CLIP3: variants seen among roughly 807,000 people sequenced by gnomAD.
CLIP3 encodes CAP-Gly domain containing linker protein 3, also known as CAP-Gly domain-containing linker protein 3.
In CLIP3, 15 loss-of-function variants were observed where a neutral mutation model predicts 59.4. That is an observed-to-expected ratio of 0.25 (90% CI 0.17 to 0.39). The LOEUF is 0.39. Among genes scored for constraint, CLIP3 ranks in the 10% least tolerant of loss-of-function variants. The pLI, the probability that CLIP3 is intolerant of heterozygous loss-of-function variation, is 1.00. For missense variants in CLIP3, 495 were observed against 765.7 expected (o/e 0.65, Z 4.17); for synonymous variants, 300 against 321.6 (o/e 0.93, Z 0.72).
chr19:36,018,575 C>G (rs1367338207), intron 9 of CLIP3, among the ~76,000 whole-genome samples: 2 of 133,344 alleles, frequency 1.5e-5, no homozygotes, highest in African/African-American at 5.8e-5. Flanking sequence ...AGGCGAGACT[C>G]TTGACTCAAA....
chr19:36,016,001 C>A lies in CLIP3; in HGVS notation c.*157G>T. 1.4e-6 allele frequency: 1 copy of A among 724,260 alleles called. No homozygotes were observed. The highest frequency in any genetic ancestry group is 2.4e-6 in the Non-Finnish European group (1 of 410,676). The allele number at this position is 724,260 out of a possible 1,614,324, so 44.9% of individuals were successfully genotyped here. On this transcript the variant is annotated 3_prime_UTR_variant, in exon 14 of 14. Coordinates refer to ENST00000360535, the MANE Select transcript of CLIP3 (RefSeq NM_015526.3). This position sits in a 1 kb window ranked among gnomAD's most constrained non-coding sequence, Gnocchi z 4.1. ...TATTTGGGGGTTATTATGGGAGTAT[C>A]TGTTAATAATGGGGCCTCAATGATC... is the stretch of plus-strand genomic sequence containing the variant.
At chr19:36,030,950 C>T (rs1969236965) in intron 2 of CLIP3, among the ~76,000 whole-genome samples, 1 of 151,954 alleles carries the variant, frequency 6.6e-6, no homozygotes, top group South Asian at 2.1e-4. Flanking sequence ...GTAGCTGCCC[C>T]CTAGTCATTA....
At chr19:36,017,520 C>G in intron 11 of CLIP3, 70 bp from the exon 12 acceptor site, 1 of 1,604,930 alleles carries the variant, frequency 6.2e-7, no homozygotes, top group Non-Finnish European at 8.5e-7. Flanking sequence ...AGCTGGGCCC[C>G]AGGGATCTAT....
chr19:36,026,893 G>T lies in CLIP3; in HGVS notation c.400+59C>A, dbSNP rs1006580207. Reference sequence around the variant, plus strand: ...GCCTGAGTTCTGGGTGGTTTTCAGCGTGTTGGGTCTGGGGGCCTAGGCTTT... The same window carrying T: ...GCCTGAGTTCTGGGTGGTTTTCAGCTTGTTGGGTCTGGGGGCCTAGGCTTT... On this transcript the variant is annotated intron_variant, in intron 4 of 13. Coordinates refer to ENST00000360535, the MANE Select transcript of CLIP3 (RefSeq NM_015526.3). The surrounding 1 kb of genome is among the most constrained non-coding windows in gnomAD (Gnocchi z 6.3). The T allele has an allele frequency of 7.2e-6, 11 of 1,522,862 alleles. No individual in the cohort carries two copies. Among genetic ancestry groups the T allele is most frequent in the Admixed American group, 2.1e-5 (1 of 48,776 alleles). 94.3% of individuals were successfully genotyped at this position (1,522,862 alleles called of 1,614,324 possible). A position where few individuals can be genotyped will look rare whatever the true frequency, so the allele number is the denominator to read the frequency against.
intron 7 of CLIP3, among the ~76,000 whole-genome samples, chr19:36,023,554 A>G (rs16970797): frequency 0.021 from 3,119 of 150,350 alleles, 90 homozygotes; most frequent in African/African-American, 0.064. Context: ...CCTTGTTGCT[A>G]CCAGAAATTA....
Position 36,017,696 on chromosome 19 carries a change from G to C in CLIP3, c.1410C>G (p.Pro470=), listed in dbSNP as rs1335810627. The C allele has an allele frequency of 1.9e-6, 3 of 1,613,812 alleles. No homozygotes were observed. The highest frequency in any genetic ancestry group is 2.5e-6 in the Non-Finnish European group (3 of 1,179,870). Residue 470 remains proline, a synonymous_variant, in exon 11 of 14, where the codon CCC becomes CCG. Coordinates refer to ENST00000360535, the MANE Select transcript of CLIP3 (RefSeq NM_015526.3). ...SVFGVRYFTC[P]PRHGVFAPAS... The stretch of plus-strand genomic sequence containing the variant: ...CTGGTGCGAAGACCCCATGCCTCGG[G>C]GGGCAAGTGAAGTACCGGACACCGA...
rs779103619 is a variant in CLIP3 at position 36,015,347 on chromosome 19, GGTCCCCCAAAGGGGGAA to G, written c.*794_*810del. Reference sequence around the variant, plus strand: ...CTAGAATGGGGCCTCCAAATTTTGGGGTCCCCCAAAGGGGGAAGTCGTTACTTAAAAAATAGAGAATT... The same window carrying G: ...CTAGAATGGGGCCTCCAAATTTTGGGGTCGTTACTTAAAAAATAGAGAATT... On this transcript the variant is annotated 3_prime_UTR_variant, in exon 14 of 14. Coordinates refer to ENST00000360535, the MANE Select transcript of CLIP3 (RefSeq NM_015526.3). The G allele has an allele frequency of 3.9e-5, 6 of 152,680 alleles. No individual in the cohort carries two copies. The highest frequency in any genetic ancestry group is 8.8e-5 in the Non-Finnish European group (6 of 68,034). 9.5% of individuals were successfully genotyped at this position (152,680 alleles called of 1,614,324 possible).
At chr19:36,031,173 A>T (rs76911027) in intron 2 of CLIP3, among the ~76,000 whole-genome samples, 5,400 of 150,224 alleles carry the variant, frequency 0.036, 141 homozygotes, top group East Asian at 0.11. Flanking sequence ...ATGCCACTAT[A>T]CCCAGCCAAT....
intron 7 of CLIP3, 66 bp from the exon 8 acceptor site, chr19:36,019,372 C>T: frequency 6.5e-7 from 1 of 1,549,110 alleles, no homozygotes; most frequent in South Asian, 1.2e-5. Context: ...AGTGCCCACA[C>T]ACGGGCAGCA....
At chr19:36,030,189 G>A (rs1235219733) in intron 2 of CLIP3, among the ~76,000 whole-genome samples, 14 of 152,012 alleles carry the variant, frequency 9.2e-5, no homozygotes, top group Admixed American at 9.2e-4. Context: ...TGGAGTAGCT[G>A]GGACTACAGG....
Position 36,016,342 on chromosome 19 carries a change from G to GGTTTGTTT in CLIP3, c.1590-138_1590-131dup. 1 of 1,062,236 alleles carries GGTTTGTTT rather than the reference G, an allele frequency of 9.4e-7. No individual in the cohort carries two copies. The highest frequency in any genetic ancestry group is 1.4e-6 in the Non-Finnish European group (1 of 704,764). 65.8% of individuals were successfully genotyped at this position (1,062,236 alleles called of 1,614,324 possible). On this transcript the variant is annotated intron_variant, in intron 13 of 13. Transcript: ENST00000360535. This position sits in a 1 kb window ranked among gnomAD's most constrained non-coding sequence, Gnocchi z 4.1. ...ATTCTGCCTCTACCTCTCTGGCTGT[G>GGTTTGTTT]GTTTGTTTGTTTGTTTGTTTTCTGA... is the stretch of plus-strand genomic sequence containing the variant.
At chr19:36,017,330 C>T in intron 12 of CLIP3, 56 bp downstream of exon 12, 2 of 1,525,438 alleles carry the variant, frequency 1.3e-6, no homozygotes, top group Non-Finnish European at 9.1e-7. Context: ...GAACCCATGA[C>T]CCTTCCTCCC....
At position 36,026,117 on chromosome 19, in the gene CLIP3, G is replaced by A. The variant is rs1969098851; in HGVS notation, c.681+30C>T. The A allele has an allele frequency of 1.3e-6, 2 of 1,554,450 alleles. No homozygotes were observed. Among genetic ancestry groups the A allele is most frequent in the Non-Finnish European group, 1.8e-6 (2 of 1,127,338 alleles). Reference sequence around the variant, plus strand: ...AGTGGGGGAGGAAGGGAGCAGGAGGGTAACGGGTTCTGGGCAAGGGTGGCA... The same window carrying A: ...AGTGGGGGAGGAAGGGAGCAGGAGGATAACGGGTTCTGGGCAAGGGTGGCA... On this transcript the variant is annotated intron_variant, in intron 6 of 13. Coordinates refer to ENST00000360535, the MANE Select transcript of CLIP3 (RefSeq NM_015526.3). This position sits in a 1 kb window ranked among gnomAD's most constrained non-coding sequence, Gnocchi z 6.3.
chr19:36,028,884 C>T lies in CLIP3; in HGVS notation c.167-1613G>A, dbSNP rs1969183247. Among the ~76,000 whole-genome samples, 2 of 152,020 alleles carry T rather than the reference C, an allele frequency of 1.3e-5. 1 individual carries two copies. The highest frequency in any genetic ancestry group is 2.9e-5 in the Non-Finnish European group (2 of 68,014). ...TGTTCTTCTCACTCAGGATAGACTTCCCACACATCTTCACAAAGCTTTATA... is the reference window on the plus strand; with the variant it reads ...TGTTCTTCTCACTCAGGATAGACTTTCCACACATCTTCACAAAGCTTTATA... On this transcript the variant is annotated intron_variant, in intron 2 of 13. Transcript: ENST00000360535.
chr19:36,026,386 C>T lies in CLIP3; in HGVS notation c.563-121G>A. ...GAGCCTCCGACGCAGAGCCCCGCCC[C>T]CACCTCGGAGCCCCCCTCTCCCTTG... On this transcript the variant is annotated intron_variant, in intron 5 of 13. Transcript: ENST00000360535. This position sits in a 1 kb window ranked among gnomAD's most constrained non-coding sequence, Gnocchi z 6.3. 8.9e-7 allele frequency: 1 copy of T among 1,123,940 alleles called. No individual in the cohort carries two copies. The highest frequency in any genetic ancestry group is 1.5e-5 in the South Asian group (1 of 68,538). 69.6% of individuals were successfully genotyped at this position (1,123,940 alleles called of 1,614,324 possible).
At chr19:36,025,506 G>A (rs540151145) in intron 6 of CLIP3, among the ~76,000 whole-genome samples, 27 of 150,494 alleles carry the variant, frequency 1.8e-4, no homozygotes, top group South Asian at 4.2e-4. Flanking sequence ...CAGGAGAATC[G>A]TTTGAACCTG....
chr19:36,016,670 G>C lies in CLIP3; in HGVS notation c.1589+237C>G. 2 of 556,174 alleles carry C rather than the reference G, an allele frequency of 3.6e-6. No homozygotes were observed. The highest frequency in any genetic ancestry group is 6.5e-6 in the Non-Finnish European group (2 of 309,964). 34.5% of individuals were successfully genotyped at this position (556,174 alleles called of 1,614,324 possible). On this transcript the variant is annotated intron_variant, in intron 13 of 13. Coordinates refer to ENST00000360535, the MANE Select transcript of CLIP3 (RefSeq NM_015526.3). The surrounding 1 kb of genome is among the most constrained non-coding windows in gnomAD (Gnocchi z 4.1). ...GTCTCTAGCTGTTGTTCTGAGGCTCGTATGGAGTGAAGGGTGTTCTGCTTC... is the reference window on the plus strand; with the variant it reads ...GTCTCTAGCTGTTGTTCTGAGGCTCCTATGGAGTGAAGGGTGTTCTGCTTC...
intron 2 of CLIP3, among the ~76,000 whole-genome samples, chr19:36,029,451 AT>A (rs750154353): frequency 0.016 from 2,339 of 142,286 alleles, 33 homozygotes; most frequent in African/African-American, 0.036. Context: ...ATGCCCAGCA[AT>A]TTTTTTTTTT....
rs1272320156 is a variant in CLIP3, at chr19:36,018,970, C to T, written c.1111G>A (p.Val371Ile). 1 of 1,608,024 alleles carries T rather than the reference C, an allele frequency of 6.2e-7. No individual in the cohort carries two copies. The highest frequency in any genetic ancestry group is 8.5e-7 in the Non-Finnish European group (1 of 1,177,194). The change falls in exon 9 of 14, where the codon GTC becomes ATC. Residue 371 changes from valine to isoleucine, a missense_variant. Coordinates refer to ENST00000360535, the MANE Select transcript of CLIP3 (RefSeq NM_015526.3). ...SKAVDAPPSS[V>I]TSTPRTPRMD... ...CGGGGGGTCCGGGGTGTGGAGGTGA[C>T]AGAGGAGGGGGGTGCGTCCACTGCC...
Sources: allele counts gnomAD v4.1 joint callset (sites outside exome capture counted in the v4.1 genomes callset), GRCh38; gene constraint gnomAD v4.1.1; non-coding constraint Gnocchi (gnomAD v3.1); transcripts MANE v1.5; gene names NCBI Gene and HGNC (gene_info 2026-07-23, HGNC 2026-07-21).